GPHN: variants seen among roughly 807,000 people sequenced by gnomAD.
GPHN encodes gephyrin.
A neutral mutation model predicts 95.5 loss-of-function variants in GPHN; 17 were observed. The ratio of observed to expected loss-of-function variants is 0.18; its 90% confidence interval spans 0.12 to 0.27. The LOEUF (loss-of-function observed/expected upper bound fraction) is 0.27. Ranked by LOEUF, GPHN falls within the 10% of genes least tolerant of loss-of-function variation. GPHN has a pLI of 1.00. For synonymous variants in GPHN, 320 were observed against 322.5 expected, an observed-to-expected ratio of 0.99 and a Z score of 0.08; for missense variants, 660 against 978.1, an observed-to-expected ratio of 0.67 and a Z score of 4.34.
At chr14:67,224,205 A>G in the GPHN span, among the ~76,000 whole-genome samples, 1 of 152,048 alleles carries the variant, frequency 6.6e-6, no homozygotes, top group South Asian at 2.1e-4. Context: ...TTATGCATGA[A>G]ATAGGGTCCA....
chr14:66,545,359 A>G (rs1380148421), intron 1 of GPHN, among the ~76,000 whole-genome samples: 1 of 129,394 alleles, frequency 7.7e-6, no homozygotes, highest in Admixed American at 7.6e-5. Flanking sequence ...TCCCTCCCGG[A>G]CGGGGCGACT....
At chr14:67,193,714 A>G in the GPHN span, among the ~76,000 whole-genome samples, 158 of 148,632 alleles carry the variant, frequency 1.1e-3, no homozygotes, top group African/African-American at 3.6e-3. Flanking sequence ...AGGCCAAAAC[A>G]GGTGGATCAC....
At chr14:66,651,022 C>T (rs1055509051) in intron 1 of GPHN, among the ~76,000 whole-genome samples, 1 of 152,114 alleles carries the variant, frequency 6.6e-6, no homozygotes, top group African/African-American at 2.4e-5. Context: ...CATCTGTTTG[C>T]GCAGCTCTGT....
chr14:66,713,842 C>T (rs1159862401), intron 2 of GPHN, among the ~76,000 whole-genome samples: 1 of 152,062 alleles, frequency 6.6e-6, no homozygotes, highest in Non-Finnish European at 1.5e-5. Flanking sequence ...GATCTTGGCT[C>T]ACTGCAACCT....
At chr14:67,359,583 TG>T in the GPHN span, 1 of 1,528,592 alleles carries the variant, frequency 6.5e-7, no homozygotes, top group Non-Finnish European at 9.0e-7. Flanking sequence ...ACCCTCACTG[TG>T]GCCCAGGGTC....
At chr14:66,830,417 C>G (rs1161595685) in intron 4 of GPHN, among the ~76,000 whole-genome samples, 1 of 151,916 alleles carries the variant, frequency 6.6e-6, no homozygotes, top group African/African-American at 2.4e-5. Flanking sequence ...AAAATTAATA[C>G]AATGAATTTG....
chr14:67,729,812 G>C, the GPHN span: 1 of 487,106 alleles, frequency 2.1e-6, no homozygotes, highest in Non-Finnish European at 4.1e-6. Flanking sequence ...TGCCAAGATT[G>C]GCACTATCTG....
chr14:66,958,525 A>G (rs925787157), intron 8 of GPHN, among the ~76,000 whole-genome samples: 1 of 152,212 alleles, frequency 6.6e-6, no homozygotes, highest in African/African-American at 2.4e-5. Flanking sequence ...GGTATAACCA[A>G]CTACACACCT....
rs544058302 is a variant in GPHN at position 66,878,645 on chromosome 14, A to G, written c.295-1294A>G. On this transcript the variant is annotated intron_variant, in intron 4 of 22. Transcript: ENST00000478722. ...GGGTCACTGGTCATTAGAAAAATGC[A>G]AGTCAAAAACCACAATGAGATACCA... Among the ~76,000 whole-genome samples, 3 of 152,320 alleles carry G rather than the reference A, an allele frequency of 2.0e-5. No homozygotes were observed. In the East Asian group the frequency reaches 5.8e-4, roughly 29 times the overall value.
chr14:66,707,517 A>G (rs1020957910), intron 2 of GPHN, among the ~76,000 whole-genome samples: 14 of 152,168 alleles, frequency 9.2e-5, no homozygotes, highest in African/African-American at 3.4e-4. Context: ...CTTTGAAGGG[A>G]CATGGGTGAA....
chr14:66,942,398 C>G lies in GPHN; in HGVS notation c.828+18106C>G, dbSNP rs117605056. Among the ~76,000 whole-genome samples the G allele has an allele frequency of 9.4e-3, 1,425 of 152,252 alleles. 12 individuals carry two copies. Among genetic ancestry groups the G allele is most frequent in the Non-Finnish European group, 0.014 (954 of 68,024 alleles). On this transcript the variant is annotated intron_variant, in intron 8 of 22. Coordinates refer to ENST00000478722, the MANE Select transcript of GPHN (RefSeq NM_020806.5). ...GTACGTTTTTCCTTTATTCCAATGT[C>G]ACTATCTCCAAAGTTATTAGAAACC...
At chr14:66,587,866 C>T (rs1285392142) in intron 1 of GPHN, among the ~76,000 whole-genome samples, 1 of 152,164 alleles carries the variant, frequency 6.6e-6, no homozygotes, top group Non-Finnish European at 1.5e-5. Flanking sequence ...GCAGATCCCC[C>T]AGCACAGCAT....
At chr14:67,320,225 C>A in the GPHN span, 1 of 1,594,574 alleles carries the variant, frequency 6.3e-7, no homozygotes, top group Non-Finnish European at 8.5e-7. Context: ...TTTTTTTTCC[C>A]AAAGATTATG....
intron 11 of GPHN, among the ~76,000 whole-genome samples, chr14:67,073,729 C>T (rs1473929802): frequency 6.6e-6 from 1 of 152,074 alleles, no homozygotes; most frequent in Non-Finnish European, 1.5e-5. Context: ...AACTCTATAA[C>T]CTTACATAAA....
chr14:67,258,971 T>G, the GPHN span, among the ~76,000 whole-genome samples: 1 of 151,828 alleles, frequency 6.6e-6, no homozygotes, highest in African/African-American at 2.4e-5. Context: ...CCCTCCCGAG[T>G]AGCTGGGACT....
the GPHN span, among the ~76,000 whole-genome samples, chr14:67,641,648 G>A: frequency 6.6e-6 from 1 of 152,148 alleles, no homozygotes; most frequent in Non-Finnish European, 1.5e-5. Context: ...TTTATAATAT[G>A]TGAATTTCTT....
intron 10 of GPHN, among the ~76,000 whole-genome samples, chr14:67,043,295 C>T (rs751876455): frequency 2.6e-5 from 4 of 152,094 alleles, no homozygotes; most frequent in Non-Finnish European, 5.9e-5. Flanking sequence ...GAGAGGTCAT[C>T]CTTGTCTTGT....
At chr14:66,566,602 G>T (rs2060472240) in intron 1 of GPHN, among the ~76,000 whole-genome samples, 1 of 152,190 alleles carries the variant, frequency 6.6e-6, no homozygotes, top group Non-Finnish European at 1.5e-5. Flanking sequence ...CTCCTTGAGG[G>T]ACAGAATTTT....
At chr14:67,232,298 C>G in the GPHN span, among the ~76,000 whole-genome samples, 1 of 152,164 alleles carries the variant, frequency 6.6e-6, no homozygotes, top group Admixed American at 6.5e-5. Context: ...CCAGCTGTTC[C>G]TTACGACAAG....
Sources: allele counts gnomAD v4.1 joint callset (sites outside exome capture counted in the v4.1 genomes callset), GRCh38; gene constraint gnomAD v4.1.1; transcripts MANE v1.5; gene names NCBI Gene and HGNC (gene_info 2026-07-23, HGNC 2026-07-21).